Variants in RBM6 observed in about 807,000 individuals in gnomAD.
RBM6 encodes RNA-binding protein 6.
In RBM6, 23 loss-of-function variants were observed where a neutral mutation model predicts 140.4. The observed-to-expected ratio is 0.16, with a 90% confidence interval of 0.12 to 0.23. RBM6 has a LOEUF of 0.23. RBM6 is among the 10% of genes least tolerant of loss of function. The pLI is 1.00. For missense variants in RBM6, 1,139 were observed against 1,386.7 expected, an observed-to-expected ratio of 0.82 and a Z score of 2.84; for synonymous variants, 439 against 475.6, an observed-to-expected ratio of 0.92 and a Z score of 1.00.
intron 5 of RBM6, among the ~76,000 whole-genome samples, chr3:49,979,269 C>T (rs1236999634): frequency 2.6e-5 from 4 of 151,928 alleles, no homozygotes; most frequent in African/African-American, 4.8e-5. Context: ...AGGGGCTAAG[C>T]GGGAATGGGG....
chr3:50,066,566 G>T, intron 17 of RBM6, 64 bp downstream of exon 17: 7 of 1,558,068 alleles, frequency 4.5e-6, no homozygotes, highest in Non-Finnish European at 6.1e-6. Context: ...TGTGGCTCAT[G>T]CCTGTAATCC....
At chr3:49,972,406 A>G (rs1398858118) in intron 4 of RBM6, among the ~76,000 whole-genome samples, 1 of 152,020 alleles carries the variant, frequency 6.6e-6, no homozygotes, top group African/African-American at 2.4e-5. Context: ...AGGTGAGGTT[A>G]AAAAAAATTA....
At chr3:50,061,041 G>T (rs1438169271) in intron 12 of RBM6, 43 bp downstream of exon 12, 1 of 1,598,412 alleles carries the variant, frequency 6.3e-7, no homozygotes, top group Non-Finnish European at 8.5e-7. Flanking sequence ...AAATCCTCAG[G>T]TGACTATAAG....
chr3:49,965,457 C>T (rs1485354079), intron 2 of RBM6, among the ~76,000 whole-genome samples: 1 of 151,768 alleles, frequency 6.6e-6, no homozygotes, highest in Non-Finnish European at 1.5e-5. Context: ...ATCACGAGGT[C>T]AGGAGATCAA....
At chr3:49,969,231 G>A (rs2084661561) in intron 3 of RBM6, among the ~76,000 whole-genome samples, 1 of 149,982 alleles carries the variant, frequency 6.7e-6, no homozygotes, top group Admixed American at 6.6e-5. Context: ...CACCATGTTG[G>A]CCAGGCTGGT....
chr3:49,960,392 C>A (rs2084229657), intron 1 of RBM6, among the ~76,000 whole-genome samples: 1 of 152,204 alleles, frequency 6.6e-6, no homozygotes, highest in Non-Finnish European at 1.5e-5. Context: ...TTGGTTCAGA[C>A]AGTTACTACT....
intron 7 of RBM6, among the ~76,000 whole-genome samples, chr3:50,051,046 AAAG>A (rs1416934129): frequency 1.3e-5 from 2 of 152,160 alleles, no homozygotes; most frequent in Admixed American, 6.6e-5. Context: ...AAAGAAAAAA[AAAG>A]AGAGAGAGAG....
chr3:50,009,470 C>A (rs1314639059), intron 6 of RBM6, among the ~76,000 whole-genome samples: 1 of 152,182 alleles, frequency 6.6e-6, no homozygotes, highest in African/African-American at 2.4e-5. Flanking sequence ...TAAGTGTTGT[C>A]ATTCATCCTC....
At chr3:50,048,414 A>T in intron 7 of RBM6, 95 bp downstream of exon 7, 1 of 1,521,468 alleles carries the variant, frequency 6.6e-7, no homozygotes, top group South Asian at 1.3e-5. Context: ...TGCATTCCCA[A>T]GGACAAAGCT....
intron 4 of RBM6, 46 bp downstream of exon 4, chr3:49,972,194 A>T (rs748444117): frequency 1.2e-5 from 17 of 1,443,818 alleles, no homozygotes; most frequent in East Asian, 4.6e-5. Flanking sequence ...ATTAAAAATT[A>T]AAAAAACCTT....
chr3:50,053,030 TGTGTG>T (rs1455530337), intron 7 of RBM6, among the ~76,000 whole-genome samples: 9 of 146,576 alleles, frequency 6.1e-5, no homozygotes, highest in East Asian at 3.9e-4. Context: ...TGTGTGTGTG[TGTGTG>T]TTTATAATCT....
At chr3:49,995,028 T>C (rs1015467572) in intron 5 of RBM6, among the ~76,000 whole-genome samples, 2 of 152,196 alleles carry the variant, frequency 1.3e-5, no homozygotes, top group Non-Finnish European at 2.9e-5. Context: ...TTTGTCAGTA[T>C]CTCGTGAGTC....
At chr3:49,972,020 A>G (rs139477460) in intron 3 of RBM6, 39 bp from the exon 4 acceptor site, 11 of 1,439,374 alleles carry the variant, frequency 7.6e-6, no homozygotes, top group Admixed American at 1.8e-5. Flanking sequence ...TTGTGCAGTA[A>G]AGTATATTTG....
intron 6 of RBM6, among the ~76,000 whole-genome samples, chr3:50,039,904 G>A (rs1319010418): frequency 2.0e-5 from 3 of 152,028 alleles, no homozygotes; most frequent in Non-Finnish European, 2.9e-5. Flanking sequence ...TGTTTTTGCC[G>A]CAAATACAAA....
intron 2 of RBM6, among the ~76,000 whole-genome samples, chr3:49,965,107 C>T (rs941682871): frequency 2.0e-5 from 3 of 152,014 alleles, no homozygotes; most frequent in Admixed American, 1.3e-4. Context: ...TTTCTTGATT[C>T]GTCTGTATAA....
At chr3:50,058,989 C>T (rs912156417) in intron 10 of RBM6, 1 of 157,346 alleles carries the variant, frequency 6.4e-6, no homozygotes, top group African/African-American at 2.4e-5. Context: ...ATCATAATCC[C>T]TCTTGCTCTC....
At chr3:49,991,857 T>C (rs1230288876) in intron 5 of RBM6, among the ~76,000 whole-genome samples, 2 of 152,228 alleles carry the variant, frequency 1.3e-5, no homozygotes, top group Non-Finnish European at 2.9e-5. Flanking sequence ...GCCACTATGT[T>C]TGCTGTCATC....
chr3:49,945,956 GA>G (rs2083468465), intron 1 of RBM6, among the ~76,000 whole-genome samples: 1 of 149,586 alleles, frequency 6.7e-6, no homozygotes, highest in Admixed American at 6.7e-5. Flanking sequence ...GTCTTCGTAA[GA>G]AAAGGACTGG....
At chr3:49,960,767 T>G (rs1362851036) in intron 1 of RBM6, among the ~76,000 whole-genome samples, 1 of 152,158 alleles carries the variant, frequency 6.6e-6, no homozygotes, top group Non-Finnish European at 1.5e-5. Context: ...TCCGATCAGG[T>G]CTGAGACAGT....
Sources: gnomAD v4.1 joint callset for allele counts (sites outside exome capture counted in the v4.1 genomes callset) on GRCh38, gnomAD v4.1.1 for gene constraint, MANE v1.5 for transcripts, NCBI Gene and HGNC (gene_info 2026-07-23, HGNC 2026-07-21) for gene names.